The following TTC39C variants were observed in gnomAD, a reference collection of about 807,000 sequenced individuals.
TTC39C encodes tetratricopeptide repeat domain 39C.
Under a neutral mutation model 76.3 loss-of-function variants are expected in TTC39C, and 33 were observed. The ratio of observed to expected loss-of-function variants is 0.43; its 90% CI spans 0.33 to 0.58. The LOEUF (loss-of-function observed/expected upper bound fraction) is 0.58, where lower values mean the gene tolerates loss of function less well. TTC39C is among the 20% of genes least tolerant of loss of function. TTC39C has a pLI of 0.04. For missense variants in TTC39C, 595 were observed against 701.4 expected, an observed-to-expected ratio of 0.85 and a Z score of 1.71; for synonymous variants, 254 against 260.6, an observed-to-expected ratio of 0.97 and a Z score of 0.24.
chr18:24,022,617 T>G, intron 1 of TTC39C: 1 of 985,390 alleles, frequency 1.0e-6, no homozygotes, highest in South Asian at 4.7e-5. Flanking sequence ...ATATGCAGAT[T>G]GCACTCTGAC....
intron 1 of TTC39C, among the ~76,000 whole-genome samples, chr18:24,007,575 G>T (rs1301523998): frequency 6.6e-6 from 1 of 152,072 alleles, no homozygotes; most frequent in Non-Finnish European, 1.5e-5. Context: ...GTAGAGACAG[G>T]GTTTCACCAT....
At chr18:24,075,490 C>T (rs566588416) in intron 4 of TTC39C, among the ~76,000 whole-genome samples, 4 of 151,954 alleles carry the variant, frequency 2.6e-5, no homozygotes, top group Admixed American at 1.3e-4. Flanking sequence ...TTGAGACCAG[C>T]CTGGGCAACA....
At chr18:24,107,514 G>C (rs1031526918) in intron 6 of TTC39C, among the ~76,000 whole-genome samples, 8 of 152,032 alleles carry the variant, frequency 5.3e-5, no homozygotes, top group Admixed American at 1.3e-4. Context: ...TCCTGTTCTC[G>C]TGATAGTGAG....
At chr18:24,106,938 G>A (rs2084751460) in intron 6 of TTC39C, among the ~76,000 whole-genome samples, 1 of 152,190 alleles carries the variant, frequency 6.6e-6, no homozygotes, top group South Asian at 2.1e-4. Context: ...GCCTGCCTTG[G>A]CGTCCCAAAG....
chr18:24,019,197 T>C lies in TTC39C; in HGVS notation c.167+4159T>C, dbSNP rs1445627856. Among the ~76,000 whole-genome samples, 5 of 152,206 alleles carry C rather than the reference T, an allele frequency of 3.3e-5. No individual in the cohort carries two copies. In the East Asian group the frequency reaches 9.6e-4, roughly 29 times the overall value. On this transcript the variant is annotated intron_variant, in intron 1 of 13. Transcript: ENST00000317571. ...TTCGCAGTTCTTATTTCTGCTGCCC[T>C]GATGCTGAGCCTCCCTCCTCCCCTC...
In TTC39C at chr18:24,132,737, A is replaced by T. The variant is rs2085148226; in HGVS notation, c.*163A>T. On this transcript the variant is annotated 3_prime_UTR_variant, in exon 14 of 14. Transcript: ENST00000317571. ...TGACATATTAAAGATCTCCTCTTTTAAACATGTAGCTGAAAAGTAATAATG... is the reference window on the plus strand; with the variant it reads ...TGACATATTAAAGATCTCCTCTTTTTAACATGTAGCTGAAAAGTAATAATG... 1.9e-6 allele frequency: 1 copy of T among 522,238 alleles called. No individual in the cohort carries two copies. The highest frequency in any genetic ancestry group is 2.0e-5 in the African/African-American group (1 of 51,210). The allele number at this position is 522,238 out of a possible 1,614,324, so 32.4% of individuals were successfully genotyped here.
At chr18:24,020,431 A>C in intron 1 of TTC39C, 1 of 458,822 alleles carries the variant, frequency 2.2e-6, no homozygotes, top group Non-Finnish European at 2.9e-6. Flanking sequence ...TTGTACAAAT[A>C]CACAATGCGA....
At chr18:24,028,880 G>T (rs944416643) in intron 1 of TTC39C, among the ~76,000 whole-genome samples, 1 of 151,568 alleles carries the variant, frequency 6.6e-6, no homozygotes, top group Non-Finnish European at 1.5e-5. Context: ...ATGCCACCAC[G>T]CCTGGCTAAT....
At chr18:24,067,621 C>T (rs979518483) in intron 3 of TTC39C, among the ~76,000 whole-genome samples, 12 of 152,128 alleles carry the variant, frequency 7.9e-5, no homozygotes, top group Non-Finnish European at 1.6e-4. Flanking sequence ...CGCCTGATGA[C>T]GTGAGGTGGA....
At chr18:24,002,396 C>G (rs988526042) in intron 1 of TTC39C, among the ~76,000 whole-genome samples, 4 of 152,160 alleles carry the variant, frequency 2.6e-5, no homozygotes, top group African/African-American at 9.7e-5. Flanking sequence ...GATGAGATCT[C>G]TAGTGATGGT....
At position 24,020,153 on chromosome 18, in the gene TTC39C, C is replaced by T. The variant is rs572410180; in HGVS notation, c.167+5115C>T. The T allele has an allele frequency of 1.3e-5, 16 of 1,212,354 alleles. No homozygotes were observed. In the South Asian group the frequency reaches 2.6e-4, roughly 20 times the overall value. The allele number at this position is 1,212,354 out of a possible 1,614,324, so 75.1% of individuals were successfully genotyped here. ...AGCAGAAATGGTTTAAGGGAACTGG[C>T]GGGAAAGACAGGAAACTCATCTGTT... On this transcript the variant is annotated intron_variant, in intron 1 of 13. Coordinates refer to ENST00000317571, the MANE Select transcript of TTC39C (RefSeq NM_001135993.2).
At chr18:23,997,575 AGAG>A (rs1233366931) in intron 1 of TTC39C, among the ~76,000 whole-genome samples, 1 of 126,456 alleles carries the variant, frequency 7.9e-6, no homozygotes, top group African/African-American at 3.0e-5. Flanking sequence ...AAAAAAAAAA[AGAG>A]AAAGAAAGAA....
intron 6 of TTC39C, among the ~76,000 whole-genome samples, chr18:24,110,019 C>A (rs750126767): frequency 1.3e-4 from 20 of 152,100 alleles, no homozygotes; most frequent in Non-Finnish European, 1.9e-4. Context: ...TCAAAAAAAA[C>A]CACGAAATTT....
intron 8 of TTC39C, chr18:24,120,952 G>A (rs1453861033): frequency 6.6e-6 from 1 of 152,024 alleles, no homozygotes; most frequent in African/African-American, 2.4e-5. Context: ...TGGACATTTC[G>A]GTTGTTTCCA....
chr18:24,126,802 T>C (rs2085057189), intron 10 of TTC39C, among the ~76,000 whole-genome samples: 1 of 152,118 alleles, frequency 6.6e-6, no homozygotes, highest in Non-Finnish European at 1.5e-5. Context: ...CGTGTGCTAC[T>C]GCACCTGGCT....
intron 1 of TTC39C, chr18:24,022,745 C>T: frequency 1.0e-6 from 1 of 985,406 alleles, no homozygotes; most frequent in Non-Finnish European, 1.2e-6. Context: ...GCCTCCTGGC[C>T]TGGCCTCCGA....
chr18:24,045,904 TATATATATATATATATATA>T (rs1314285499), intron 1 of TTC39C, among the ~76,000 whole-genome samples: 25 of 39,198 alleles, frequency 6.4e-4, no homozygotes, highest in African/African-American at 3.4e-3. Flanking sequence ...TATATATATA[TATATATATATATATATATA>T]TATATTTTTT....
intron 1 of TTC39C, chr18:24,020,016 G>A: frequency 7.0e-7 from 1 of 1,423,290 alleles, no homozygotes; most frequent in Non-Finnish European, 9.1e-7. Context: ...GGCTGTCCAT[G>A]ATTTCTAGAC....
intron 4 of TTC39C, among the ~76,000 whole-genome samples, chr18:24,080,353 A>G (rs1178740398): frequency 6.6e-6 from 1 of 152,204 alleles, no homozygotes; most frequent in African/African-American, 2.4e-5. Context: ...TAGAACAATG[A>G]GCAGAAACAC....
Sources: gnomAD v4.1 joint callset for allele counts (sites outside exome capture counted in the v4.1 genomes callset) on GRCh38, gnomAD v4.1.1 for gene constraint, MANE v1.5 for transcripts, NCBI Gene and HGNC (gene_info 2026-07-23, HGNC 2026-07-21) for gene names.